RGCC: variants seen among roughly 807,000 people sequenced by gnomAD.
RGCC encodes the protein regulator of cell cycle RGCC.
Under a neutral mutation model 15.4 loss-of-function variants are expected in RGCC, and 15 were observed. The observed-to-expected ratio is 0.97, with a 90% confidence interval of 0.65 to 1.50. The LOEUF (loss-of-function observed/expected upper bound fraction) is 1.50. Ranked by LOEUF, RGCC falls within the 40% of genes most tolerant of loss-of-function variation. The pLI is 0.00. For synonymous variants in RGCC, 81 were observed against 78.0 expected, an observed-to-expected ratio of 1.04 and a Z score of -0.20; for missense variants, 176 against 189.7, an observed-to-expected ratio of 0.93 and a Z score of 0.42.
chr13:41,469,610 G>A (rs777236842), intron 4 of RGCC, among the ~76,000 whole-genome samples: 9 of 152,146 alleles, frequency 5.9e-5, no homozygotes, highest in Non-Finnish European at 1.3e-4. Flanking sequence ...CCAGGGTTTG[G>A]GTGAAATTTA....
chr13:41,459,362 G>T (rs1298697832), intron 2 of RGCC, among the ~76,000 whole-genome samples: 1 of 152,152 alleles, frequency 6.6e-6, no homozygotes, highest in Non-Finnish European at 1.5e-5. Flanking sequence ...TTATTCTTCA[G>T]CCTTTAATCC....
chr13:41,458,141 G>T lies in RGCC; in HGVS notation c.50-144G>T. ...CGGGGGTGGTGGAGAAGATTACAAG[G>T]TAACAGCGACTGCGTGGCTGTCACT... On this transcript the variant is annotated intron_variant, in intron 1 of 4. Coordinates refer to ENST00000379359, the MANE Select transcript of RGCC (RefSeq NM_014059.3). This position sits in a 1 kb window ranked among gnomAD's most constrained non-coding sequence, Gnocchi z 4.4. The T allele has an allele frequency of 4.4e-6, 3 of 686,980 alleles. No homozygotes were observed. Among genetic ancestry groups the T allele is most frequent in the Non-Finnish European group, 7.2e-6 (3 of 416,702 alleles). 42.6% of individuals were successfully genotyped at this position (686,980 alleles called of 1,614,324 possible). A position where few individuals can be genotyped will look rare whatever the true frequency, so the allele number is the denominator to read the frequency against.
At chr13:41,462,033 C>T (rs538066360) in intron 2 of RGCC, among the ~76,000 whole-genome samples, 2 of 152,168 alleles carry the variant, frequency 1.3e-5, no homozygotes, top group Admixed American at 1.3e-4. Context: ...TCTTATTTTG[C>T]CCCCCTTTGG....
intron 4 of RGCC, among the ~76,000 whole-genome samples, chr13:41,469,295 T>TAATAATAATAAG (rs869157194): frequency 2.1e-3 from 181 of 86,736 alleles, no homozygotes; most frequent in African/African-American, 6.3e-3. Context: ...ATAATAATAA[T>TAATAATAATAAG]AAGAAGAAGA....
In RGCC at chr13:41,458,148, C is replaced by G. The variant is rs1199457578; in HGVS notation, c.50-137C>G. ...GGTGGAGAAGATTACAAGGTAACAG[C>G]GACTGCGTGGCTGTCACTTGGCAGA... On this transcript the variant is annotated intron_variant, in intron 1 of 4. Transcript: ENST00000379359. The surrounding 1 kb of genome is among the most constrained non-coding windows in gnomAD (Gnocchi z 4.4). 2 of 705,206 alleles carry G rather than the reference C, an allele frequency of 2.8e-6. No homozygotes were observed. Among genetic ancestry groups the G allele is most frequent in the Non-Finnish European group, 4.6e-6 (2 of 433,264 alleles). The allele number at this position is 705,206 out of a possible 1,614,324, so 43.7% of individuals were successfully genotyped here. A position where few individuals can be genotyped will look rare whatever the true frequency, so the allele number is the denominator to read the frequency against.
chr13:41,461,370 T>C (rs993024731), intron 2 of RGCC, among the ~76,000 whole-genome samples: 3 of 152,250 alleles, frequency 2.0e-5, no homozygotes, highest in Non-Finnish European at 4.4e-5. Context: ...CTACCTTTGG[T>C]TTGAATTTAT....
At chr13:41,459,269 T>G (rs1429891966) in intron 2 of RGCC, among the ~76,000 whole-genome samples, 2 of 152,224 alleles carry the variant, frequency 1.3e-5, no homozygotes, top group African/African-American at 4.8e-5. Flanking sequence ...AGGTGCCTTT[T>G]TAATATTACA....
intron 2 of RGCC, among the ~76,000 whole-genome samples, chr13:41,462,497 T>C (rs1033599026): frequency 3.0e-4 from 46 of 152,304 alleles, no homozygotes; most frequent in African/African-American, 1.1e-3. Flanking sequence ...TTGAGATACA[T>C]GTGAGATGGT....
chr13:41,458,207 G>A lies in RGCC; in HGVS notation c.50-78G>A. Reference sequence around the variant, plus strand: ...GTGTCAGTTATCTTCGGGAACCGTGGCGGCCCCTCCTGGCCCTGGGAGGTG... The same window carrying A: ...GTGTCAGTTATCTTCGGGAACCGTGACGGCCCCTCCTGGCCCTGGGAGGTG... On this transcript the variant is annotated intron_variant, in intron 1 of 4. Coordinates refer to ENST00000379359, the MANE Select transcript of RGCC (RefSeq NM_014059.3). This position sits in a 1 kb window ranked among gnomAD's most constrained non-coding sequence, Gnocchi z 4.4. 8.2e-7 allele frequency: 1 copy of A among 1,215,112 alleles called. No homozygotes were observed. The highest frequency in any genetic ancestry group is 1.1e-6 in the Non-Finnish European group (1 of 889,158). The allele number at this position is 1,215,112 out of a possible 1,614,324, so 75.3% of individuals were successfully genotyped here.
At chr13:41,460,770 A>G (rs1196863594) in intron 2 of RGCC, among the ~76,000 whole-genome samples, 1 of 152,244 alleles carries the variant, frequency 6.6e-6, no homozygotes, top group Non-Finnish European at 1.5e-5. Flanking sequence ...TCAAAATATC[A>G]TTACAATGTA....
chr13:41,458,048 G>A lies in RGCC; in HGVS notation c.50-237G>A, dbSNP rs959130714. On this transcript the variant is annotated intron_variant, in intron 1 of 4. Transcript: ENST00000379359. The surrounding 1 kb of genome is among the most constrained non-coding windows in gnomAD (Gnocchi z 4.4). Reference sequence around the variant, plus strand: ...GAATCTGGCCGCGCCAAGTCGCTGGGTGACCCTGGGCCTGGCGAAGGCTCA... The same window carrying A: ...GAATCTGGCCGCGCCAAGTCGCTGGATGACCCTGGGCCTGGCGAAGGCTCA... Among the ~76,000 whole-genome samples, 2 of 152,204 alleles carry A rather than the reference G, an allele frequency of 1.3e-5. No individual in the cohort carries two copies. The highest frequency in any genetic ancestry group is 2.4e-5 in the African/African-American group (1 of 41,464).
chr13:41,469,930 C>G (rs1024376795), intron 4 of RGCC, among the ~76,000 whole-genome samples: 59 of 152,192 alleles, frequency 3.9e-4, no homozygotes, highest in African/African-American at 1.4e-3. Flanking sequence ...TTCAGCAACT[C>G]TACTACGGGG....
chr13:41,469,295 T>TAATAATAATAATAAGAAGAAG (rs869157194), intron 4 of RGCC, among the ~76,000 whole-genome samples: 30 of 86,744 alleles, frequency 3.5e-4, no homozygotes, highest in African/African-American at 1.1e-3. Context: ...ATAATAATAA[T>TAATAATAATAATAAGAAGAAG]AAGAAGAAGA....
At position 41,458,119 on chromosome 13, in the gene RGCC, G is replaced by A. The variant is rs1202181121; in HGVS notation, c.50-166G>A. 2.0e-5 allele frequency among the ~76,000 whole-genome samples: 3 copies of A among 152,220 alleles called. No individual in the cohort carries two copies. The highest frequency in any genetic ancestry group is 1.5e-5 in the Non-Finnish European group (1 of 68,040). On this transcript the variant is annotated intron_variant, in intron 1 of 4. Transcript: ENST00000379359. This position sits in a 1 kb window ranked among gnomAD's most constrained non-coding sequence, Gnocchi z 4.4. ...GACTTGGTAATAGAACGCACTTCGGGGGTGGTGGAGAAGATTACAAGGTAA... is the reference window on the plus strand; with the variant it reads ...GACTTGGTAATAGAACGCACTTCGGAGGTGGTGGAGAAGATTACAAGGTAA...
In RGCC at chr13:41,458,376, C is replaced by T; in HGVS notation, c.141C>T (p.His47=). ...TGGCCGACTTCGCGTCGCCCTTCCA[C>T]GAGCGCCACTTCCACTACGAGGAGC... The part of the protein sequence containing the change: ...AVLADFASPF[H]ERHFHYEEHL... The change falls in exon 2 of 5, where the codon CAC becomes CAT. Residue 47 remains histidine, a synonymous_variant. Coordinates refer to ENST00000379359, the MANE Select transcript of RGCC (RefSeq NM_014059.3). The surrounding 1 kb of genome is among the most constrained non-coding windows in gnomAD (Gnocchi z 4.4). 6.3e-7 allele frequency: 1 copy of T among 1,597,864 alleles called. No homozygotes were observed.
In RGCC at chr13:41,470,521, A is replaced by G. The variant is rs781096674; in HGVS notation, c.*36A>G. 2 of 1,609,178 alleles carry G rather than the reference A, an allele frequency of 1.2e-6. No homozygotes were observed. Among genetic ancestry groups the G allele is most frequent in the East Asian group, 2.2e-5 (1 of 44,854 alleles). ...TCTGGGTCCTTTCATCATAAGGGAG[A>G]AGCTTCAGAAAGTTCCGAGGACCTG... is the stretch of plus-strand genomic sequence containing the variant. On this transcript the variant is annotated 3_prime_UTR_variant, in exon 5 of 5. Coordinates refer to ENST00000379359, the MANE Select transcript of RGCC (RefSeq NM_014059.3).
rs2043802203 is a variant in RGCC, at chr13:41,458,186, CAGTT to C, written c.50-97_50-94del. On this transcript the variant is annotated intron_variant, in intron 1 of 4. Coordinates refer to ENST00000379359, the MANE Select transcript of RGCC (RefSeq NM_014059.3). The surrounding 1 kb of genome is among the most constrained non-coding windows in gnomAD (Gnocchi z 4.4). ...GTCACTTGGCAGAGGCGCCAAGTGT[CAGTT>C]ATCTTCGGGAACCGTGGCGGCCCCT... The C allele has an allele frequency of 2.0e-6, 2 of 1,002,278 alleles. No individual in the cohort carries two copies. Among genetic ancestry groups the C allele is most frequent in the South Asian group, 3.3e-5 (2 of 60,816 alleles). 62.1% of individuals were successfully genotyped at this position (1,002,278 alleles called of 1,614,324 possible). A position where few individuals can be genotyped will look rare whatever the true frequency, so the allele number is the denominator to read the frequency against.
chr13:41,467,161 G>A (rs1343407049), intron 3 of RGCC, among the ~76,000 whole-genome samples: 1 of 152,130 alleles, frequency 6.6e-6, no homozygotes, highest in Non-Finnish European at 1.5e-5. Context: ...TGAAGTCACA[G>A]GGAGAAAGAA....
At position 41,466,887 on chromosome 13, in the gene RGCC, C is replaced by T. The variant is rs761114900; in HGVS notation, c.300C>T (p.Asp100=). The T allele has an allele frequency of 6.2e-7, 1 of 1,613,942 alleles. No individual in the cohort carries two copies. Among genetic ancestry groups the T allele is most frequent in the South Asian group, 1.1e-5 (1 of 91,082 alleles). ...FSDEKLNSPT[D]STPALLSATV... ...ATGAAAAACTGAATTCTCCAACAGA[C>T]TCTACCCCAGCTCTTCTCTCTGCCA... The change falls in exon 3 of 5, where the codon GAC becomes GAT. Residue 100 remains aspartate, a synonymous_variant. Coordinates refer to ENST00000379359, the MANE Select transcript of RGCC (RefSeq NM_014059.3).
Sources: allele counts gnomAD v4.1 joint callset (sites outside exome capture counted in the v4.1 genomes callset), GRCh38; gene constraint gnomAD v4.1.1; non-coding constraint Gnocchi (gnomAD v3.1); transcripts MANE v1.5; gene names NCBI Gene and HGNC (gene_info 2026-07-23, HGNC 2026-07-21).